The following AGO2 variants were observed in gnomAD, a reference collection of about 807,000 sequenced individuals.
AGO2 encodes protein argonaute-2.
AGO2 carries 5 observed loss-of-function variants against 102.3 expected under a neutral mutation model. The observed-to-expected ratio is 0.05, with a 90% confidence interval of 0.03 to 0.10. The LOEUF (loss-of-function observed/expected upper bound fraction) is 0.10, where lower values mean the gene tolerates loss of function less well. Among genes scored for constraint, AGO2 ranks in the 10% least tolerant of loss-of-function variants. The pLI, the probability that AGO2 is intolerant of heterozygous loss-of-function variation, is 1.00. For missense variants in AGO2, 541 were observed against 1,183.7 expected (o/e 0.46, Z 7.97); for synonymous variants, 449 against 473.1 (o/e 0.95, Z 0.66).
intron 1 of AGO2, among the ~76,000 whole-genome samples, chr8:140,634,742 C>G (rs538791919): frequency 6.6e-6 from 1 of 152,364 alleles, no homozygotes; most frequent in African/African-American, 2.4e-5. Context: ...AATGGGGAGG[C>G]CGGCGTGTCT....
intron 17 of AGO2, 97 bp from the exon 18 acceptor site, chr8:140,532,712 A>G (rs2132854686): frequency 7.5e-7 from 1 of 1,330,214 alleles, no homozygotes; most frequent in East Asian, 2.5e-5. Flanking sequence ...AAAATGCATC[A>G]TAGTCTGGAC....
chr8:140,547,289 C>T (rs941750480), intron 13 of AGO2, among the ~76,000 whole-genome samples, 179 bp downstream of exon 13: 2 of 152,366 alleles, frequency 1.3e-5, no homozygotes, highest in Non-Finnish European at 1.5e-5. Flanking sequence ...GCCCCTGGTC[C>T]CCAGCAGAGC....
chr8:140,604,022 G>A (rs1301639989), intron 1 of AGO2, among the ~76,000 whole-genome samples: 1 of 152,250 alleles, frequency 6.6e-6, no homozygotes, highest in Non-Finnish European at 1.5e-5. Context: ...CCAGGCCCAT[G>A]AAAGGCCCTA....
upstream of AGO2, chr8:140,636,143 A>G (rs943988700): frequency 6.6e-6 from 1 of 151,436 alleles, no homozygotes; most frequent in Non-Finnish European, 1.5e-5. Context: ...CTACAGAAAC[A>G]CGGAGGTCGG....
Position 140,572,876 on chromosome 8 carries a change from T to C in AGO2, c.272A>G (p.Lys91Arg). The change falls in exon 3 of 19, where the codon AAG (lysine) becomes AGG (arginine). Residue 91 changes from lysine to arginine, a missense_variant. Lys to Arg is a conservative substitution (Grantham distance 26). Transcript: ENST00000220592. ...ATTCTTCCTGCCGTCAAACACGGGC[T>C]TCCGATCCCCAAAGATCTGTGTTTT... ...HFKTQIFGDR[K>R]PVFDGRKNLY... 1 of 1,614,170 alleles carries C rather than the reference T, an allele frequency of 6.2e-7. No homozygotes were observed. Among genetic ancestry groups the C allele is most frequent in the African/African-American group, 1.3e-5 (1 of 75,048 alleles).
At chr8:140,617,364 G>A (rs552952359) in intron 1 of AGO2, among the ~76,000 whole-genome samples, 5 of 151,938 alleles carry the variant, frequency 3.3e-5, no homozygotes, top group Non-Finnish European at 7.4e-5. Context: ...TGACCCTCCT[G>A]CCTCAGCCTC....
intron 4 of AGO2, 60 bp from the exon 5 acceptor site, chr8:140,560,570 G>C (rs1391521867): frequency 4.5e-6 from 7 of 1,567,154 alleles, no homozygotes; most frequent in Non-Finnish European, 5.2e-6. Flanking sequence ...AGGAACAGCT[G>C]CCTCTGGGTG....
intron 1 of AGO2, among the ~76,000 whole-genome samples, chr8:140,633,420 C>A (rs2074365337): frequency 6.6e-6 from 1 of 152,202 alleles, no homozygotes; most frequent in African/African-American, 2.4e-5. Context: ...TTTATTCTTT[C>A]AACCACTGTC....
At chr8:140,602,749 G>C (rs1001618851) in intron 1 of AGO2, among the ~76,000 whole-genome samples, 1 of 152,194 alleles carries the variant, frequency 6.6e-6, no homozygotes, top group Non-Finnish European at 1.5e-5. Flanking sequence ...TATTTGAAAT[G>C]TCAATTCTAA....
At position 140,535,453 on chromosome 8, in the gene AGO2, G is replaced by A. The variant is rs1223183906; in HGVS notation, c.2271+15C>T. Reference sequence around the variant, plus strand: ...GACGGCCAAGACTCTGTCCGAAGGGGACTCCCGGCCTTACCTGGATGCCAG... The same window carrying A: ...GACGGCCAAGACTCTGTCCGAAGGGAACTCCCGGCCTTACCTGGATGCCAG... On this transcript the variant is annotated intron_variant, in intron 17 of 18. Transcript: ENST00000220592. 3 of 1,613,376 alleles carry A rather than the reference G, an allele frequency of 1.9e-6. No individual in the cohort carries two copies. The Admixed American group carries it at 5.0e-5, about 27-fold the overall frequency.
chr8:140,534,796 C>T (rs1007589158), intron 17 of AGO2, among the ~76,000 whole-genome samples: 4 of 152,198 alleles, frequency 2.6e-5, no homozygotes, highest in South Asian at 2.1e-4. Flanking sequence ...AGGGACGGCA[C>T]GTGACTAAGG....
intron 1 of AGO2, among the ~76,000 whole-genome samples, chr8:140,634,706 G>A (rs1211195221): frequency 6.6e-6 from 1 of 152,224 alleles, no homozygotes; most frequent in Non-Finnish European, 1.5e-5. Context: ...CCTCTCCTAG[G>A]AAATTGTAAA....
chr8:140,533,160 C>A (rs368255051), intron 17 of AGO2, among the ~76,000 whole-genome samples: 37 of 152,008 alleles, frequency 2.4e-4, no homozygotes, highest in Non-Finnish European at 4.7e-4. Flanking sequence ...GAGGCCGAGG[C>A]GGGCAGATCA....
In AGO2 at chr8:140,520,170, C is replaced by T. The variant is rs1015351676; in HGVS notation, c.*11874G>A. 15 of 152,128 alleles carry T rather than the reference C, an allele frequency of 9.9e-5. No individual in the cohort carries two copies. The highest frequency in any genetic ancestry group is 1.9e-4 in the Non-Finnish European group (13 of 68,006). The allele number at this position is 152,128 out of a possible 1,614,324, so 9.4% of individuals were successfully genotyped here. ...GAAGAGGCAGCTGTAAATAGGAGGA[C>T]TTTTATTTAATTTTTTGCTGACATA... On this transcript the variant is annotated 3_prime_UTR_variant, in exon 19 of 19. Coordinates refer to ENST00000220592, the MANE Select transcript of AGO2 (RefSeq NM_012154.5).
intron 13 of AGO2, among the ~76,000 whole-genome samples, chr8:140,545,148 C>G (rs914744297): frequency 2.0e-5 from 3 of 152,196 alleles, no homozygotes; most frequent in Non-Finnish European, 2.9e-5. Context: ...GTGACTCACT[C>G]TCCGCCCACA....
chr8:140,598,413 C>T (rs1237120587), intron 1 of AGO2, among the ~76,000 whole-genome samples: 2 of 152,268 alleles, frequency 1.3e-5, no homozygotes, highest in East Asian at 1.9e-4. Context: ...TCTCCTGCTT[C>T]GCAGCCATCT....
the AGO2 span, among the ~76,000 whole-genome samples, chr8:140,641,497 C>T: frequency 6.6e-6 from 1 of 152,150 alleles, no homozygotes; most frequent in Non-Finnish European, 1.5e-5. Flanking sequence ...AAATAATATA[C>T]TGATACATTG....
At chr8:140,556,126 C>T (rs1367934585) in intron 9 of AGO2, 41 bp downstream of exon 9, 31 of 1,612,664 alleles carry the variant, frequency 1.9e-5, no homozygotes, top group African/African-American at 1.7e-4. Flanking sequence ...GGCAACCGGA[C>T]TGGATTCCAC....
intron 1 of AGO2, among the ~76,000 whole-genome samples, chr8:140,617,398 AC>A (rs1164437373): frequency 1.3e-5 from 2 of 152,000 alleles, no homozygotes; most frequent in Non-Finnish European, 2.9e-5. Context: ...ACTACAGGCA[AC>A]TGCCACCATG....
Sources: gnomAD v4.1 joint callset for allele counts (sites outside exome capture counted in the v4.1 genomes callset) on GRCh38, gnomAD v4.1.1 for gene constraint, MANE v1.5 for transcripts, NCBI Gene and HGNC (gene_info 2026-07-23, HGNC 2026-07-21) for gene names.